The following PPP3CB variants were observed in gnomAD, a reference collection of about 807,000 sequenced individuals.
PPP3CB encodes the protein protein phosphatase 3 catalytic subunit beta.
In PPP3CB, 8 loss-of-function variants were observed where a neutral mutation model predicts 66.4. The ratio of observed to expected loss-of-function variants is 0.12; its 90% CI spans 0.07 to 0.22. PPP3CB has a LOEUF of 0.22. Ranked by LOEUF, PPP3CB falls within the 10% of genes least tolerant of loss-of-function variation. PPP3CB has a pLI of 1.00. For missense variants in PPP3CB, 319 were observed against 642.5 expected (o/e 0.50, Z 5.44); for synonymous variants, 208 against 221.2 (o/e 0.94, Z 0.53).
chr10:73,491,793 TGTC>T (rs1203053405), intron 1 of PPP3CB, among the ~76,000 whole-genome samples: 1 of 151,662 alleles, frequency 6.6e-6, no homozygotes, highest in Admixed American at 6.6e-5. Flanking sequence ...CATGGAGAAA[TGTC>T]GTCTCTACTA....
chr10:73,470,930 T>C lies in PPP3CB; in HGVS notation c.844A>G (p.Asn282Asp), dbSNP rs2056691860. 1 of 1,613,586 alleles carries C rather than the reference T, an allele frequency of 6.2e-7. No homozygotes were observed. Among genetic ancestry groups the C allele is most frequent in the Non-Finnish European group, 8.5e-7 (1 of 1,179,718 alleles). The change falls in exon 7 of 14, where the codon AAT becomes GAT. Residue 282 changes from asparagine to aspartate, a missense_variant. By Grantham distance (23) the Asn-to-Asp change is conservative. This residue lies in a region of PPP3CB where 120 missense variants were observed against 331.2 expected (regional missense o/e 0.36). Transcript: ENST00000360663. ...TGAGCTCTAATAATCGATAACAAATTATTGTTTTGCAAAAATTCACACACT... is the reference window on the plus strand; with the variant it reads ...TGAGCTCTAATAATCGATAACAAATCATTGTTTTGCAAAAATTCACACACT... Reference protein sequence around the residue: ...PAVCEFLQNNNLLSIIRAHEA... With the variant: ...PAVCEFLQNNDLLSIIRAHEA...
At chr10:73,471,308 T>A in intron 5 of PPP3CB, 99 bp from the exon 6 acceptor site, 2 of 1,367,350 alleles carry the variant, frequency 1.5e-6, no homozygotes, top group South Asian at 2.9e-5. Context: ...CAGTTCATAC[T>A]ATATTATTGT....
At chr10:73,470,650 A>C (rs1213771413) in intron 8 of PPP3CB, 37 bp downstream of exon 8, 2 of 1,307,772 alleles carry the variant, frequency 1.5e-6, no homozygotes, top group African/African-American at 3.0e-5. Context: ...TAAAATACTA[A>C]GTTGTTTAAC....
At chr10:73,460,616 T>C (rs2056505233) in intron 9 of PPP3CB, among the ~76,000 whole-genome samples, 1 of 152,036 alleles carries the variant, frequency 6.6e-6, no homozygotes, top group African/African-American at 2.4e-5. Context: ...AGAAAATGTT[T>C]AAGAAAAAAA....
At chr10:73,441,133 T>C (rs1209174171) in intron 12 of PPP3CB, among the ~76,000 whole-genome samples, 1 of 152,206 alleles carries the variant, frequency 6.6e-6, no homozygotes, top group African/African-American at 2.4e-5. Flanking sequence ...GATTTAGAAA[T>C]AATTTTATCC....
At chr10:73,488,654 A>C (rs2057026551) in intron 1 of PPP3CB, among the ~76,000 whole-genome samples, 1 of 152,074 alleles carries the variant, frequency 6.6e-6, no homozygotes, top group Non-Finnish European at 1.5e-5. Context: ...GGAAAGATTC[A>C]ATAAATCCAA....
At chr10:73,457,901 A>T (rs973267362) in intron 9 of PPP3CB, among the ~76,000 whole-genome samples, 1 of 152,324 alleles carries the variant, frequency 6.6e-6, no homozygotes, top group Admixed American at 6.5e-5. Context: ...GCATGTTCTC[A>T]TAAGTGGAAG....
intron 8 of PPP3CB, among the ~76,000 whole-genome samples, chr10:73,468,633 C>T (rs545763037): frequency 3.9e-4 from 59 of 151,916 alleles, no homozygotes; most frequent in East Asian, 5.8e-4. Context: ...ACTTTTTTTT[C>T]ATTTTAATGA....
In PPP3CB at chr10:73,467,687, TAAGTTG is replaced by T. The variant is rs2056639229; in HGVS notation, c.983-15_983-10del. The T allele has an allele frequency of 2.0e-6, 3 of 1,535,208 alleles. No homozygotes were observed. Among genetic ancestry groups the T allele is most frequent in the Middle Eastern group, 3.4e-4 (2 of 5,834 alleles). On this transcript the variant is annotated splice_polypyrimidine_tract_variant and intron_variant, in intron 8 of 13. Coordinates refer to ENST00000360663, the MANE Select transcript of PPP3CB (RefSeq NM_021132.4). ...ATACTTTAATACAGCAGCTGCAAGATAAGTTGAACATCAATAACTTAATAGATAAGT... is the reference window on the plus strand; with the variant it reads ...ATACTTTAATACAGCAGCTGCAAGATAACATCAATAACTTAATAGATAAGT...
chr10:73,439,891 C>G lies in PPP3CB; in HGVS notation c.1377G>C (p.Glu459Asp). The G allele has an allele frequency of 6.2e-7, 1 of 1,613,654 alleles. No individual in the cohort carries two copies. Among genetic ancestry groups the G allele is most frequent in the Non-Finnish European group, 8.5e-7 (1 of 1,179,682 alleles). The change falls in exon 13 of 14, where the codon GAG becomes GAC. Residue 459 changes from glutamate to aspartate, a missense_variant. This residue lies in a region of PPP3CB where 120 missense variants were observed against 331.2 expected (regional missense o/e 0.36). Transcript: ENST00000360663. ...TCATACCTTTTTCAGCCTCAATAGC[C>G]TCAACTGTGGCTGTACAGAAGTGAG... ...GRQTLQSATV[E>D]AIEAEKAIRG...
chr10:73,457,266 A>G (rs2056442886), intron 9 of PPP3CB, among the ~76,000 whole-genome samples: 4 of 133,154 alleles, frequency 3.0e-5, no homozygotes, highest in Non-Finnish European at 6.2e-5. Context: ...AAAAGAAAAA[A>G]AAAAAAAAAA....
chr10:73,467,521 A>T (rs770709806), intron 9 of PPP3CB, 32 bp downstream of exon 9: 1 of 1,443,130 alleles, frequency 6.9e-7, no homozygotes, highest in South Asian at 1.4e-5. Context: ...AACAGTAATA[A>T]AACAAATTTT....
intron 1 of PPP3CB, among the ~76,000 whole-genome samples, chr10:73,488,121 C>T (rs772277500): frequency 2.0e-5 from 3 of 152,140 alleles, no homozygotes; most frequent in Admixed American, 6.5e-5. Context: ...CATTAAGTTG[C>T]TTCTCCAGGG....
intron 9 of PPP3CB, among the ~76,000 whole-genome samples, chr10:73,459,259 C>A (rs530626713): frequency 7.9e-5 from 12 of 152,144 alleles, no homozygotes; most frequent in Non-Finnish European, 1.3e-4. Flanking sequence ...GAGGCCGAGG[C>A]GGGTGGATCA....
chr10:73,474,833 A>G, intron 4 of PPP3CB, 86 bp downstream of exon 4: 1 of 1,522,660 alleles, frequency 6.6e-7, no homozygotes, highest in South Asian at 1.3e-5. Context: ...TACATGTTGC[A>G]CTGTAAAGTC....
chr10:73,453,302 G>A (rs1417908202), intron 10 of PPP3CB, among the ~76,000 whole-genome samples: 1 of 151,724 alleles, frequency 6.6e-6, no homozygotes, highest in East Asian at 1.9e-4. Flanking sequence ...TTTATTCCAA[G>A]GAGGAAAATA....
chr10:73,439,531 T>C (rs1391490725), intron 13 of PPP3CB, among the ~76,000 whole-genome samples: 1 of 152,162 alleles, frequency 6.6e-6, no homozygotes, highest in Non-Finnish European at 1.5e-5. Context: ...AACAGATCTC[T>C]ATTTGCAGGT....
chr10:73,452,344 AG>A (rs1261998635), intron 10 of PPP3CB, among the ~76,000 whole-genome samples: 1 of 152,166 alleles, frequency 6.6e-6, no homozygotes, highest in Non-Finnish European at 1.5e-5. Context: ...CTAGAATCTG[AG>A]CCCAGGTCTA....
chr10:73,491,708 C>T (rs1589723209), intron 1 of PPP3CB, among the ~76,000 whole-genome samples: 3 of 152,166 alleles, frequency 2.0e-5, no homozygotes, highest in Admixed American at 2.0e-4. Flanking sequence ...TGGCTCATGC[C>T]TATAATCCCA....
Sources: allele counts gnomAD v4.1 joint callset (sites outside exome capture counted in the v4.1 genomes callset), GRCh38; gene constraint gnomAD v4.1.1; regional missense constraint gnomAD v4.1.1; transcripts MANE v1.5; gene names NCBI Gene and HGNC (gene_info 2026-07-23, HGNC 2026-07-21).